AFG2A: variants seen among roughly 807,000 people sequenced by gnomAD.
AFG2A encodes ATPase family gene 2 protein homolog A.
the AFG2A span, chr4:123,319,142 C>A: frequency 6.6e-6 from 1 of 152,092 alleles, no homozygotes; most frequent in Non-Finnish European, 1.5e-5. Context: ...ATGTGTAAAA[C>A]AGGTTTTAAA....
the AFG2A span, among the ~76,000 whole-genome samples, chr4:123,005,861 G>A: frequency 6.6e-6 from 1 of 152,052 alleles, no homozygotes; most frequent in Non-Finnish European, 1.5e-5. Flanking sequence ...GTTTACTTTT[G>A]CATATATTGT....
chr4:123,224,841 C>T, the AFG2A span, among the ~76,000 whole-genome samples: 428 of 151,906 alleles, frequency 2.8e-3, 2 homozygotes, highest in Middle Eastern at 0.014. Flanking sequence ...TGTAAAAGTG[C>T]TCCTATTTCT....
At chr4:123,031,312 C>T in the AFG2A span, among the ~76,000 whole-genome samples, 3 of 152,078 alleles carry the variant, frequency 2.0e-5, no homozygotes, top group Admixed American at 2.0e-4. Context: ...CCCCAACGCC[C>T]AGCTAATTTT....
the AFG2A span, among the ~76,000 whole-genome samples, chr4:123,069,968 C>T: frequency 6.6e-6 from 1 of 152,106 alleles, no homozygotes; most frequent in Non-Finnish European, 1.5e-5. Flanking sequence ...CAGTTCTGAT[C>T]TTAGTATTCG....
the AFG2A span, among the ~76,000 whole-genome samples, chr4:123,281,225 T>G: frequency 9.2e-4 from 140 of 152,268 alleles, no homozygotes; most frequent in African/African-American, 3.2e-3. Flanking sequence ...TTTCATCAGT[T>G]TTTAGGAGTA....
At chr4:122,939,554 A>G in the AFG2A span, among the ~76,000 whole-genome samples, 1 of 152,208 alleles carries the variant, frequency 6.6e-6, no homozygotes, top group Non-Finnish European at 1.5e-5. Context: ...TAGAATCATA[A>G]TATGTTAGAA....
the AFG2A span, among the ~76,000 whole-genome samples, chr4:123,212,209 G>C: frequency 0.021 from 3,156 of 152,138 alleles, 99 homozygotes; most frequent in African/African-American, 0.072. Context: ...TTAACAATCT[G>C]TGGGGTCTGT....
At chr4:122,999,407 A>G in the AFG2A span, among the ~76,000 whole-genome samples, 125,870 of 151,326 alleles carry the variant, frequency 0.83, 53,523 homozygotes, top group East Asian at 0.96. Flanking sequence ...GCATGGTAAT[A>G]CCTAGGTTTT....
the AFG2A span, among the ~76,000 whole-genome samples, chr4:123,084,422 C>CA: frequency 6.6e-6 from 1 of 151,824 alleles, no homozygotes; most frequent in Non-Finnish European, 1.5e-5. Context: ...TATATACTCT[C>CA]AATACTATAA....
At chr4:123,136,323 C>T in the AFG2A span, among the ~76,000 whole-genome samples, 4 of 151,278 alleles carry the variant, frequency 2.6e-5, no homozygotes, top group African/African-American at 4.9e-5. Flanking sequence ...CACCTGAGGT[C>T]GGGAGTTTTA....
chr4:123,007,608 G>GTGTGTA, the AFG2A span, among the ~76,000 whole-genome samples: 212 of 18,046 alleles, frequency 0.012, no homozygotes, highest in Non-Finnish European at 0.014. Flanking sequence ...GTGTGTGTGT[G>GTGTGTA]TATATATATA....
At chr4:123,167,100 A>G in the AFG2A span, among the ~76,000 whole-genome samples, 5 of 151,542 alleles carry the variant, frequency 3.3e-5, no homozygotes, top group Admixed American at 3.3e-4. Context: ...TCCACTGAAT[A>G]TAATAGGAAC....
the AFG2A span, chr4:122,923,114 T>C: frequency 3.7e-5 from 59 of 1,613,054 alleles, no homozygotes; most frequent in South Asian, 2.0e-4. Context: ...TCGGCTTTTC[T>C]ACTGCTTCGG....
the AFG2A span, chr4:123,256,767 G>T: frequency 1.0e-6 from 1 of 985,176 alleles, no homozygotes; most frequent in African/African-American, 1.7e-5. Context: ...CAAGACCTCT[G>T]TGAAAATATG....
the AFG2A span, among the ~76,000 whole-genome samples, chr4:123,233,719 ATGTG>A: frequency 2.7e-5 from 4 of 149,030 alleles, no homozygotes; most frequent in Admixed American, 1.3e-4. Flanking sequence ...ACATGGGTGT[ATGTG>A]TGTGTGTGTG....
chr4:123,076,959 TG>T, the AFG2A span, among the ~76,000 whole-genome samples: 1 of 2,732 alleles, frequency 3.7e-4, no homozygotes, highest in Non-Finnish European at 3.0e-3. Flanking sequence ...AGCCCTGTGC[TG>T]TGTGTGTGTG....
the AFG2A span, among the ~76,000 whole-genome samples, chr4:123,089,197 T>G: frequency 3.3e-5 from 5 of 152,336 alleles, no homozygotes; most frequent in South Asian, 1.0e-3. Context: ...TTTGAACTTA[T>G]AAGTCTAAAT....
the AFG2A span, among the ~76,000 whole-genome samples, chr4:123,030,684 A>G: frequency 6.6e-6 from 1 of 152,212 alleles, no homozygotes; most frequent in East Asian, 1.9e-4. Flanking sequence ...TTGAATCTGT[A>G]TGGAGGATAT....
the AFG2A span, among the ~76,000 whole-genome samples, chr4:123,098,097 C>A: frequency 6.6e-6 from 1 of 152,004 alleles, no homozygotes; most frequent in Non-Finnish European, 1.5e-5. Context: ...CCTATAAAGC[C>A]TAAATTATAT....
Sources: allele counts gnomAD v4.1 joint callset (sites outside exome capture counted in the v4.1 genomes callset), GRCh38; gene constraint gnomAD v4.1.1; transcripts MANE v1.5; gene names NCBI Gene and HGNC (gene_info 2026-07-23, HGNC 2026-07-21).